R3HDM1: variants seen among roughly 807,000 people sequenced by gnomAD.
R3HDM1 encodes the protein R3H domain-containing protein 1.
In R3HDM1, 46 loss-of-function variants were observed where a neutral mutation model predicts 141.1. That is an observed-to-expected ratio of 0.33 (90% confidence interval 0.26 to 0.42). R3HDM1 has a LOEUF of 0.42. Among genes scored for constraint, R3HDM1 ranks in the 10% least tolerant of loss-of-function variants. R3HDM1 has a pLI of 1.00. For synonymous variants in R3HDM1, 435 were observed against 472.9 expected (o/e 0.92, Z 1.04); for missense variants, 1,184 against 1,368.3 (o/e 0.87, Z 2.12).
intron 1 of R3HDM1, among the ~76,000 whole-genome samples, chr2:135,579,005 T>C (rs1218096674): frequency 6.6e-6 from 1 of 152,184 alleles, no homozygotes; most frequent in African/African-American, 2.4e-5. Flanking sequence ...GTGTATACTG[T>C]ACATACACAT....
chr2:135,649,582 C>T (rs1399790729), intron 16 of R3HDM1, among the ~76,000 whole-genome samples: 3 of 152,162 alleles, frequency 2.0e-5, no homozygotes, highest in East Asian at 1.9e-4. Context: ...TGACTTAACC[C>T]GGGGGTCTTT....
intron 1 of R3HDM1, among the ~76,000 whole-genome samples, chr2:135,557,794 C>G (rs757053586): frequency 6.6e-6 from 1 of 152,116 alleles, no homozygotes; most frequent in South Asian, 2.1e-4. Context: ...CCAGGCAAGG[C>G]TGCTGACATT....
At chr2:135,559,050 AGTGT>A (rs10684618) in intron 1 of R3HDM1, 33,628 of 838,534 alleles carry the variant, frequency 0.04, 800 homozygotes, top group African/African-American at 0.17. Flanking sequence ...GATTCCACAA[AGTGT>A]GTGTGTGTGT....
intron 5 of R3HDM1, among the ~76,000 whole-genome samples, chr2:135,617,334 A>AATAT (rs1553567035): frequency 1.1e-4 from 17 of 151,026 alleles, no homozygotes; most frequent in African/African-American, 3.9e-4. Flanking sequence ...CTCAAAAAAA[A>AATAT]ATATATATAT....
Position 135,673,188 on chromosome 2 carries a change from C to G in R3HDM1, c.2153-2144C>G, listed in dbSNP as rs943683609. On this transcript the variant is annotated intron_variant, in intron 19 of 26. Transcript: ENST00000683871. Reference sequence around the variant, plus strand: ...TGTAACCAGGCATGGTGGTGCACACCCGTAGTCCTAGCTCCTCAGGAGGCT... The same window carrying G: ...TGTAACCAGGCATGGTGGTGCACACGCGTAGTCCTAGCTCCTCAGGAGGCT... Among the ~76,000 whole-genome samples, 4 of 152,160 alleles carry G rather than the reference C, an allele frequency of 2.6e-5. No individual in the cohort carries two copies. The East Asian group carries it at 7.7e-4, about 29-fold the overall frequency.
intron 1 of R3HDM1, among the ~76,000 whole-genome samples, chr2:135,556,988 TCTTG>T (rs1700906937): frequency 6.6e-6 from 1 of 152,212 alleles, no homozygotes. Context: ...TCTTCACTGA[TCTTG>T]CTTATTTTAG....
At chr2:135,624,284 G>A (rs1312958014) in intron 7 of R3HDM1, among the ~76,000 whole-genome samples, 1 of 151,800 alleles carries the variant, frequency 6.6e-6, no homozygotes, top group Admixed American at 6.6e-5. Context: ...AGTCCCAGCT[G>A]CGTGGGAGGC....
At chr2:135,539,190 A>T (rs1478807591) in intron 1 of R3HDM1, among the ~76,000 whole-genome samples, 1 of 152,096 alleles carries the variant, frequency 6.6e-6, no homozygotes, top group Non-Finnish European at 1.5e-5. Flanking sequence ...TTTTTTAAAT[A>T]AGTAGAAGGA....
chr2:135,541,204 C>A (rs1205247023), intron 1 of R3HDM1, among the ~76,000 whole-genome samples: 1 of 151,726 alleles, frequency 6.6e-6, no homozygotes, highest in Non-Finnish European at 1.5e-5. Flanking sequence ...TCTGCATTAG[C>A]TTCTTTTTTT....
chr2:135,719,553 T>A (rs1250483406), intron 24 of R3HDM1, among the ~76,000 whole-genome samples: 1 of 152,150 alleles, frequency 6.6e-6, no homozygotes, highest in South Asian at 2.1e-4. Flanking sequence ...AGTAAAATGC[T>A]GAGATTTGCT....
chr2:135,688,252 T>C (rs932017077), intron 21 of R3HDM1, among the ~76,000 whole-genome samples: 1 of 152,246 alleles, frequency 6.6e-6, no homozygotes, highest in African/African-American at 2.4e-5. Flanking sequence ...AAAGCTCTGC[T>C]GTGTGTTCAA....
At chr2:135,539,424 T>C (rs181005715) in intron 1 of R3HDM1, among the ~76,000 whole-genome samples, 7 of 152,318 alleles carry the variant, frequency 4.6e-5, no homozygotes, top group South Asian at 2.1e-4. Flanking sequence ...GCTAGGAATT[T>C]TTCACCAACA....
intron 1 of R3HDM1, among the ~76,000 whole-genome samples, chr2:135,532,498 A>G (rs1404695078): frequency 6.6e-6 from 1 of 152,190 alleles, no homozygotes. Context: ...TAAAAGGTGA[A>G]GAAGAGGTGC....
At chr2:135,620,243 G>C (rs2061410909) in intron 5 of R3HDM1, 1 of 932,856 alleles carries the variant, frequency 1.1e-6, no homozygotes, top group African/African-American at 1.8e-5. Flanking sequence ...TGAGTAACCA[G>C]AATAGTAGTT....
chr2:135,614,425 T>A (rs1399804361), intron 3 of R3HDM1, among the ~76,000 whole-genome samples: 2 of 152,224 alleles, frequency 1.3e-5, no homozygotes, highest in African/African-American at 2.4e-5. Context: ...ATTACATTTA[T>A]GACACACTTT....
chr2:135,572,444 A>G (rs1704346966), intron 1 of R3HDM1, among the ~76,000 whole-genome samples: 1 of 152,232 alleles, frequency 6.6e-6, no homozygotes, highest in Admixed American at 6.5e-5. Flanking sequence ...TTAGCCATCA[A>G]GGAAATGTAA....
chr2:135,542,245 TC>T (rs1488624240), intron 1 of R3HDM1, among the ~76,000 whole-genome samples: 1 of 152,216 alleles, frequency 6.6e-6, no homozygotes. Context: ...CTGTGTGTGT[TC>T]CTGTATAGTA....
rs143466787 is a variant in R3HDM1, at chr2:135,690,178, C to G, written c.2459+9854C>G. ...TTTCTCTAGTGTCCCTTTTGTCCTA[C>G]TTGTGATACCTCTCTTGTATTCATT... On this transcript the variant is annotated intron_variant, in intron 21 of 26. Transcript: ENST00000683871. 4.8e-3 allele frequency among the ~76,000 whole-genome samples: 725 copies of G among 152,052 alleles called. 4 individuals are homozygous for G. Among genetic ancestry groups the G allele is most frequent in the Admixed American group, 0.012 (186 of 15,264 alleles).
intron 21 of R3HDM1, among the ~76,000 whole-genome samples, chr2:135,684,712 G>T (rs2071025462): frequency 6.6e-6 from 1 of 151,968 alleles, no homozygotes. Flanking sequence ...ATGAGGAATT[G>T]GGTGGTGAGT....
Sources: allele counts gnomAD v4.1 joint callset (sites outside exome capture counted in the v4.1 genomes callset), GRCh38; gene constraint gnomAD v4.1.1; transcripts MANE v1.5; gene names NCBI Gene and HGNC (gene_info 2026-07-23, HGNC 2026-07-21).